Variants in BCAS1 observed in about 807,000 individuals in gnomAD.
BCAS1 encodes the protein brain enriched myelin associated protein 1, also known as breast carcinoma-amplified sequence 1.
In BCAS1, 46 loss-of-function variants were observed where a neutral mutation model predicts 65.4. The ratio of observed to expected loss-of-function variants is 0.70; its 90% CI spans 0.55 to 0.90. The LOEUF is 0.90. BCAS1 is among the 40% of genes least tolerant of loss of function. BCAS1 has a pLI of 0.00. For synonymous variants in BCAS1, 298 were observed against 293.5 expected, an observed-to-expected ratio of 1.02 and a Z score of -0.16; for missense variants, 793 against 771.2, an observed-to-expected ratio of 1.03 and a Z score of -0.33.
At chr20:53,991,695 C>T (rs573386821) in intron 7 of BCAS1, among the ~76,000 whole-genome samples, 8 of 152,222 alleles carry the variant, frequency 5.3e-5, no homozygotes, top group South Asian at 2.1e-4. Context: ...TGCTTTTTTC[C>T]GCCTGGACTT....
At chr20:53,951,071 G>A (rs1015301161) in intron 12 of BCAS1, among the ~76,000 whole-genome samples, 5 of 152,084 alleles carry the variant, frequency 3.3e-5, no homozygotes, top group African/African-American at 7.2e-5. Context: ...TTCAGCCTTC[G>A]TACCTATTGT....
intron 10 of BCAS1, among the ~76,000 whole-genome samples, chr20:53,961,933 A>G (rs1349268898): frequency 2.0e-5 from 3 of 152,000 alleles, no homozygotes; most frequent in Non-Finnish European, 4.4e-5. Flanking sequence ...TTAATAAATG[A>G]GATACTGCGT....
chr20:54,062,615 C>T (rs907408086), intron 1 of BCAS1, among the ~76,000 whole-genome samples: 3 of 152,176 alleles, frequency 2.0e-5, no homozygotes, highest in Non-Finnish European at 4.4e-5. Flanking sequence ...TTTGAATCAA[C>T]ACTTGAGGTT....
intron 12 of BCAS1, among the ~76,000 whole-genome samples, chr20:53,946,571 T>C (rs2089329171): frequency 6.6e-6 from 1 of 150,914 alleles, no homozygotes. Flanking sequence ...TAACGTATTG[T>C]AGCATAGTAT....
At chr20:54,010,811 A>G (rs1357686898) in intron 4 of BCAS1, among the ~76,000 whole-genome samples, 3 of 152,218 alleles carry the variant, frequency 2.0e-5, no homozygotes, top group Non-Finnish European at 4.4e-5. Flanking sequence ...AAATTGATGA[A>G]TCAGTCTATC....
intron 1 of BCAS1, among the ~76,000 whole-genome samples, chr20:54,060,390 G>A (rs1276839715): frequency 1.3e-5 from 2 of 152,180 alleles, no homozygotes; most frequent in African/African-American, 4.8e-5. Flanking sequence ...TCGGCTCACT[G>A]CAACCTCCGC....
intron 1 of BCAS1, among the ~76,000 whole-genome samples, chr20:54,061,629 A>G (rs1821872217): frequency 6.6e-6 from 1 of 152,240 alleles, no homozygotes; most frequent in African/African-American, 2.4e-5. Context: ...GGCCAAAAAA[A>G]GGGTCATGGA....
At chr20:53,963,096 C>T (rs1437126010) in intron 10 of BCAS1, among the ~76,000 whole-genome samples, 3 of 151,734 alleles carry the variant, frequency 2.0e-5, no homozygotes, top group South Asian at 2.1e-4. Context: ...GTAATCCACC[C>T]GCCTCGGCCT....
intron 10 of BCAS1, among the ~76,000 whole-genome samples, chr20:53,962,996 G>T (rs1353706214): frequency 6.6e-6 from 1 of 151,860 alleles, no homozygotes; most frequent in Non-Finnish European, 1.5e-5. Context: ...GACTACAGGC[G>T]CCCGCCACCA....
chr20:54,059,458 T>G (rs2092349527), intron 1 of BCAS1, among the ~76,000 whole-genome samples: 1 of 151,630 alleles, frequency 6.6e-6, no homozygotes. Context: ...CAAACTAAAT[T>G]AATTCCCCTA....
intron 4 of BCAS1, among the ~76,000 whole-genome samples, chr20:54,003,556 C>A (rs2091112272): frequency 1.3e-5 from 2 of 152,160 alleles, no homozygotes; most frequent in African/African-American, 4.8e-5. Flanking sequence ...ACACCAAAGG[C>A]CAGGTTGGAA....
At chr20:53,973,688 T>A (rs208390) in intron 9 of BCAS1, among the ~76,000 whole-genome samples, 1 of 152,044 alleles carries the variant, frequency 6.6e-6, no homozygotes, top group Non-Finnish European at 1.5e-5. Flanking sequence ...GTCCTCCTTG[T>A]AGGTTGCGGG....
At position 53,975,404 on chromosome 20, in the gene BCAS1, T is replaced by G; in HGVS notation, c.1302A>C (p.Thr434=). 6.2e-7 allele frequency: 1 copy of G among 1,612,262 alleles called. No individual in the cohort carries two copies. The highest frequency in any genetic ancestry group is 8.5e-7 in the Non-Finnish European group (1 of 1,178,750). Reference sequence around the variant, plus strand: ...TGTAACTTACATTCTCCTCCGCACCTGTGGGGACTGAGTCCTCTTTAACTG... The same window carrying G: ...TGTAACTTACATTCTCCTCCGCACCGGTGGGGACTGAGTCCTCTTTAACTG... ...KKSVKEDSVP[T]GAEENVVCES... Residue 434 remains threonine (T), a synonymous_variant, in exon 9 of 13, where the codon ACA becomes ACC. Transcript: ENST00000688948.
At chr20:53,974,248 CGCTGTGGAA>C (rs895459094) in intron 9 of BCAS1, among the ~76,000 whole-genome samples, 3 of 152,188 alleles carry the variant, frequency 2.0e-5, no homozygotes, top group African/African-American at 7.2e-5. Flanking sequence ...TCCCCTTCCA[CGCTGTGGAA>C]GCTTTGTTCT....
chr20:54,023,633 G>A (rs969865110), intron 4 of BCAS1, among the ~76,000 whole-genome samples: 1 of 152,194 alleles, frequency 6.6e-6, no homozygotes, highest in Non-Finnish European at 1.5e-5. Context: ...GATGGCGTTT[G>A]CACAGGTCAG....
chr20:54,067,328 A>G (rs2092456631), intron 1 of BCAS1, among the ~76,000 whole-genome samples: 2 of 151,796 alleles, frequency 1.3e-5, no homozygotes, highest in Non-Finnish European at 2.9e-5. Context: ...GTGAGCCGAG[A>G]TCACACCGCT....
intron 3 of BCAS1, among the ~76,000 whole-genome samples, chr20:54,048,660 G>A (rs757896765): frequency 1.4e-4 from 22 of 152,196 alleles, no homozygotes; most frequent in Non-Finnish European, 2.9e-4. Flanking sequence ...CTGTCAGACT[G>A]CTGTACCAAA....
chr20:54,003,337 A>T (rs1031338145), intron 4 of BCAS1, among the ~76,000 whole-genome samples: 1 of 151,932 alleles, frequency 6.6e-6, no homozygotes, highest in African/African-American at 2.4e-5. Flanking sequence ...TATGGAGTAA[A>T]TTCTTTTTTC....
intron 7 of BCAS1, among the ~76,000 whole-genome samples, chr20:53,989,321 A>G: frequency 6.6e-6 from 1 of 151,998 alleles, no homozygotes; most frequent in South Asian, 2.1e-4. Flanking sequence ...CAAGGGCATG[A>G]CCCTACTACA....
Sources: gnomAD v4.1 joint callset for allele counts (sites outside exome capture counted in the v4.1 genomes callset) on GRCh38, gnomAD v4.1.1 for gene constraint, MANE v1.5 for transcripts, NCBI Gene and HGNC (gene_info 2026-07-23, HGNC 2026-07-21) for gene names.